The following SAMD14 variants were observed in gnomAD, a reference collection of about 807,000 sequenced individuals.
The protein encoded by SAMD14 is sterile alpha motif domain-containing protein 14.
A neutral mutation model predicts 46.2 loss-of-function variants in SAMD14; 27 were observed. That is an observed-to-expected ratio of 0.58 (90% CI 0.43 to 0.81). SAMD14 has a LOEUF of 0.81. Ranked by LOEUF, SAMD14 falls within the 30% of genes least tolerant of loss-of-function variation. The pLI is 0.00. For missense variants in SAMD14, 559 were observed against 582.2 expected (o/e 0.96, Z 0.41); for synonymous variants, 241 against 254.3 (o/e 0.95, Z 0.50).
chr17:50,117,471 C>G lies in SAMD14; in HGVS notation c.435G>C (p.Ala145=). ...AAASCSPPRS[A]PSSDSSPSFV... is the part of the protein sequence containing the mutation. ...AGCTGGGGGAGCTGTCGGAGGAGGGCGCGGAGCGCGGCGGAGAGCAGGAGG... is the reference window on the plus strand; with the variant it reads ...AGCTGGGGGAGCTGTCGGAGGAGGGGGCGGAGCGCGGCGGAGAGCAGGAGG... Residue 145 remains alanine (A), a synonymous_variant, in exon 4 of 10, where the codon GCG becomes GCC. Transcript: ENST00000330175. 7.1e-7 allele frequency: 1 copy of G among 1,399,362 alleles called. No individual in the cohort carries two copies. Among genetic ancestry groups the G allele is most frequent in the Non-Finnish European group, 9.2e-7 (1 of 1,084,734 alleles). The allele number at this position is 1,399,362 out of a possible 1,614,324, so 86.7% of individuals were successfully genotyped here.
Position 50,117,677 on chromosome 17 carries a change from TC to T in SAMD14, c.228del (p.Ser77AlafsTer202). On this transcript the variant is annotated frameshift_variant, in exon 4 of 10. Coordinates refer to ENST00000330175, the MANE Select transcript of SAMD14 (RefSeq NM_001257359.2). LOFTEE classifies it high-confidence loss of function. ...GPGGKVTDGC[G>X]SPLHRLRSPL... Reference sequence around the variant, plus strand: ...GGCGAGCGCAGCCGGTGCAGGGGGCTCCCGCAGCCATCGGTCACCTGGACGA... The same window carrying T: ...GGCGAGCGCAGCCGGTGCAGGGGGCTCCGCAGCCATCGGTCACCTGGACGA... 1 of 1,471,154 alleles carries T rather than the reference TC, an allele frequency of 6.8e-7. No homozygotes were observed. The highest frequency in any genetic ancestry group is 8.9e-7 in the Non-Finnish European group (1 of 1,118,562). 91.1% of individuals were successfully genotyped at this position (1,471,154 alleles called of 1,614,324 possible). A position where few individuals can be genotyped will look rare whatever the true frequency, so the allele number is the denominator to read the frequency against.
rs115926127 is a variant in SAMD14 at position 50,114,001 on chromosome 17, C to T, written c.1021G>A (p.Glu341Lys). The change falls in exon 9 of 10, where the codon GAA (glutamate) becomes AAA (lysine). Residue 341 changes from glutamate to lysine, a missense_variant. Glu to Lys is a moderately conservative substitution (Grantham distance 56, BLOSUM62 1). Coordinates refer to ENST00000330175, the MANE Select transcript of SAMD14 (RefSeq NM_001257359.2). ...GCAGCAAACTCAGCAGCATACTGTT[C>T]CAGGTTGAGGCTCTGCAGCCACTGG... ...VGQWLQSLNL[E>K]QYAAEFAARQ... 9.5e-5 allele frequency: 154 copies of T among 1,613,678 alleles called. 2 individuals are homozygous for T. In the East Asian group the frequency reaches 2.4e-3, roughly 25 times the overall value.
rs9889751 is a variant in SAMD14 at position 50,127,163 on chromosome 17, T to A, written c.-12-2192A>T. 4.6e-3 allele frequency among the ~76,000 whole-genome samples: 698 copies of A among 151,546 alleles called. 5 individuals are homozygous for A. Among genetic ancestry groups the A allele is most frequent in the African/African-American group, 0.015 (603 of 41,352 alleles). The stretch of plus-strand genomic sequence containing the variant: ...ATAAAAGCAATAATAATAATAATAA[T>A]AAAAGAGGCAGAACTCAGCCTTGAG... On this transcript the variant is annotated intron_variant, in intron 1 of 9. Transcript: ENST00000330175.
At chr17:50,121,003 G>T (rs1469488275) in intron 2 of SAMD14, among the ~76,000 whole-genome samples, 1 of 152,220 alleles carries the variant, frequency 6.6e-6, no homozygotes, top group Admixed American at 6.5e-5. Flanking sequence ...ATGAGGACAG[G>T]TTTCTGCTTT....
rs773489401 is a variant in SAMD14, at chr17:50,115,985, A to G, written c.587+18T>C. On this transcript the variant is annotated intron_variant, in intron 5 of 9. Transcript: ENST00000330175. The surrounding 1 kb of genome is among the most constrained non-coding windows in gnomAD (Gnocchi z 5.3). ...CCAGCAGCTCCAAGCCCTGCGATCT[A>G]GCCCCGCCTCCACTCACCCCAGGTC... 2.5e-6 allele frequency: 4 copies of G among 1,613,848 alleles called. No individual in the cohort carries two copies. The South Asian group carries it at 4.4e-5, about 18-fold the overall frequency.
At position 50,115,483 on chromosome 17, in the gene SAMD14, C is replaced by G; in HGVS notation, c.822+81G>C. The G allele has an allele frequency of 1.4e-6, 2 of 1,441,278 alleles. No individual in the cohort carries two copies. The highest frequency in any genetic ancestry group is 1.4e-5 in the South Asian group (1 of 69,814). The allele number at this position is 1,441,278 out of a possible 1,614,324, so 89.3% of individuals were successfully genotyped here. On this transcript the variant is annotated intron_variant, in intron 7 of 9. Transcript: ENST00000330175. The surrounding 1 kb of genome is among the most constrained non-coding windows in gnomAD (Gnocchi z 5.3). ...ATTGATTCCAGGAATGTCTGAATCC[C>G]AGCCTGAGCCAAGGTGAAGTACGCC... is the stretch of plus-strand genomic sequence containing the variant.
chr17:50,112,821 C>T lies in SAMD14; in HGVS notation c.*72G>A, dbSNP rs1910924474. Reference sequence around the variant, plus strand: ...CCCAAGTGCAGCGCCCAGGTCCAGCCTCCCTGGTGAGGCCTGTGCCCGCGG... The same window carrying T: ...CCCAAGTGCAGCGCCCAGGTCCAGCTTCCCTGGTGAGGCCTGTGCCCGCGG... On this transcript the variant is annotated 3_prime_UTR_variant, in exon 10 of 10. Coordinates refer to ENST00000330175, the MANE Select transcript of SAMD14 (RefSeq NM_001257359.2). 6.5e-7 allele frequency: 1 copy of T among 1,527,810 alleles called. No individual in the cohort carries two copies. Among genetic ancestry groups the T allele is most frequent in the Non-Finnish European group, 8.8e-7 (1 of 1,140,168 alleles). The allele number at this position is 1,527,810 out of a possible 1,614,324, so 94.6% of individuals were successfully genotyped here.
chr17:50,130,151 G>GAC lies in SAMD14; in HGVS notation c.-649_-648dup, dbSNP rs1911971085. ...TGCAGCTACTTCTCTGCCCGCGGGA[G>GAC]ACGCGGCGCACCGGAGTCTGCGCGG... On this transcript the variant is annotated 5_prime_UTR_variant, in exon 1 of 10. Coordinates refer to ENST00000330175, the MANE Select transcript of SAMD14 (RefSeq NM_001257359.2). This position sits in a 1 kb window ranked among gnomAD's most constrained non-coding sequence, Gnocchi z 4.1. 6.6e-6 allele frequency among the ~76,000 whole-genome samples: 1 copy of GAC among 152,160 alleles called. No individual in the cohort carries two copies. Among genetic ancestry groups the GAC allele is most frequent in the Admixed American group, 6.5e-5 (1 of 15,288 alleles).
Position 50,129,827 on chromosome 17 carries a change from CGTGT to C in SAMD14, c.-327_-324del, listed in dbSNP as rs966142322. ...CCGTGTGTGTGTGCGTGTGCGTGTG[CGTGT>C]GTGTGTGTGTGACAGAGAGAGAGAG... On this transcript the variant is annotated 5_prime_UTR_variant, in exon 1 of 10. Coordinates refer to ENST00000330175, the MANE Select transcript of SAMD14 (RefSeq NM_001257359.2). The surrounding 1 kb of genome is among the most constrained non-coding windows in gnomAD (Gnocchi z 5.6). 1.0e-4 allele frequency: 15 copies of C among 148,896 alleles called. No homozygotes were observed. The highest frequency in any genetic ancestry group is 1.8e-4 in the African/African-American group (7 of 39,358). 9.2% of individuals were successfully genotyped at this position (148,896 alleles called of 1,614,324 possible).
intron 2 of SAMD14, among the ~76,000 whole-genome samples, chr17:50,118,550 T>G (rs739499): frequency 0.56 from 85,100 of 152,040 alleles, 23,841 homozygotes; most frequent in East Asian, 0.59. Flanking sequence ...TACAGCGCCG[T>G]GTGATGAACC....
chr17:50,121,626 A>G (rs1911504981), intron 2 of SAMD14, among the ~76,000 whole-genome samples: 2 of 152,108 alleles, frequency 1.3e-5, no homozygotes, highest in African/African-American at 4.8e-5. Flanking sequence ...CCTGAAGCAC[A>G]TTTCTGACCA....
intron 2 of SAMD14, among the ~76,000 whole-genome samples, chr17:50,119,718 C>T (rs1002909699): frequency 1.3e-5 from 2 of 152,170 alleles, no homozygotes; most frequent in Non-Finnish European, 2.9e-5. Flanking sequence ...CCAAGTCGCC[C>T]GAGTCAGACA....
Position 50,115,975 on chromosome 17 carries a change from C to CCTGCGAT in SAMD14, c.587+21_587+27dup. 1.2e-6 allele frequency: 2 copies of CCTGCGAT among 1,613,764 alleles called. No individual in the cohort carries two copies. The highest frequency in any genetic ancestry group is 1.7e-6 in the Non-Finnish European group (2 of 1,179,784). On this transcript the variant is annotated intron_variant, in intron 5 of 9. Transcript: ENST00000330175. The surrounding 1 kb of genome is among the most constrained non-coding windows in gnomAD (Gnocchi z 5.3). The stretch of plus-strand genomic sequence containing the variant: ...ACCCCTTACCCCAGCAGCTCCAAGC[C>CCTGCGAT]CTGCGATCTAGCCCCGCCTCCACTC...
chr17:50,115,593 C>T lies in SAMD14; in HGVS notation c.793G>A (p.Gly265Ser), dbSNP rs767846823. Residue 265 changes from glycine to serine, a missense_variant, in exon 7 of 10, where the codon GGC (glycine) becomes AGC (serine). Gly to Ser is a moderately conservative substitution (Grantham distance 56). Transcript: ENST00000330175. The surrounding 1 kb of genome is among the most constrained non-coding windows in gnomAD (Gnocchi z 5.3). ...TSPTCSPKHE[G>S]FSPKKSASQE... is the part of the protein sequence containing the mutation. ...GAAGCTGACTTCTTAGGGCTGAAGC[C>T]CTCGTGTTTAGGGGAGCAGGTGGGG... 2 of 1,575,382 alleles carry T rather than the reference C, an allele frequency of 1.3e-6. No homozygotes were observed. The highest frequency in any genetic ancestry group is 1.7e-6 in the Non-Finnish European group (2 of 1,158,120).
At chr17:50,116,243 T>G in intron 4 of SAMD14, 153 bp from the exon 5 acceptor site, 11 of 1,185,160 alleles carry the variant, frequency 9.3e-6, no homozygotes, top group Non-Finnish European at 1.3e-5. Flanking sequence ...GATAAGCCAC[T>G]TTACCTCTCT....
At chr17:50,125,798 G>C (rs1183276448) in intron 1 of SAMD14, among the ~76,000 whole-genome samples, 1 of 152,168 alleles carries the variant, frequency 6.6e-6, no homozygotes, top group Admixed American at 6.5e-5. Context: ...CACAGTTCTT[G>C]ACAGACTCAT....
chr17:50,114,442 T>G, intron 7 of SAMD14, 136 bp from the exon 8 acceptor site: 1 of 1,612,670 alleles, frequency 6.2e-7, no homozygotes, highest in Non-Finnish European at 8.5e-7. Context: ...GAGCTGGGCC[T>G]GCACACAGGA....
chr17:50,127,101 A>C (rs1365478629), intron 1 of SAMD14, among the ~76,000 whole-genome samples: 1 of 31,158 alleles, frequency 3.2e-5, no homozygotes, highest in Non-Finnish European at 6.6e-5. Context: ...ACTCCATCTC[A>C]AAAAAAAAAA....
intron 3 of SAMD14, 168 bp downstream of exon 3, chr17:50,117,993 A>G: frequency 1.3e-6 from 1 of 780,188 alleles, no homozygotes; most frequent in South Asian, 2.1e-5. Flanking sequence ...TTCTTTACAC[A>G]GGATTAAATG....
Sources: allele counts gnomAD v4.1 joint callset (sites outside exome capture counted in the v4.1 genomes callset), GRCh38; gene constraint gnomAD v4.1.1; non-coding constraint Gnocchi (gnomAD v3.1); transcripts MANE v1.5; gene names NCBI Gene and HGNC (gene_info 2026-07-23, HGNC 2026-07-21).